The following AGTPBP1 variants were observed in gnomAD, a reference collection of about 807,000 sequenced individuals.
The protein encoded by AGTPBP1 is cytosolic carboxypeptidase 1.
In AGTPBP1, 70 loss-of-function variants were observed where a neutral mutation model predicts 143.9. The observed-to-expected ratio is 0.49, with a 90% confidence interval of 0.40 to 0.59. The LOEUF is 0.59. AGTPBP1 is among the 20% of genes least tolerant of loss of function. AGTPBP1 has a pLI of 0.00. For missense variants in AGTPBP1, 1,229 were observed against 1,464.5 expected (o/e 0.84, Z 2.62); for synonymous variants, 463 against 500.2 (o/e 0.93, Z 0.99).
intron 4 of AGTPBP1, among the ~76,000 whole-genome samples, chr9:85,678,654 T>C (rs933988250): frequency 1.3e-5 from 2 of 152,212 alleles, no homozygotes; most frequent in Admixed American, 6.5e-5. Context: ...TCCTCATCTT[T>C]CTACCAAATA....
chr9:85,667,285 G>C (rs76191133), intron 8 of AGTPBP1, among the ~76,000 whole-genome samples: 8,313 of 152,072 alleles, frequency 0.055, 364 homozygotes, highest in African/African-American at 0.12. Flanking sequence ...AGTAAGCTCA[G>C]AAAATATTTT....
At chr9:85,804,977 GC>G in the AGTPBP1 span, among the ~76,000 whole-genome samples, 72 of 152,312 alleles carry the variant, frequency 4.7e-4, no homozygotes, top group African/African-American at 1.7e-3. Context: ...AGGTGATCCT[GC>G]CTTGCTGCGG....
At chr9:85,663,124 C>T (rs571007127) in intron 8 of AGTPBP1, among the ~76,000 whole-genome samples, 2 of 152,188 alleles carry the variant, frequency 1.3e-5, no homozygotes, top group East Asian at 1.9e-4. Context: ...CAGACCAAGT[C>T]GGTTAGAGCT....
In AGTPBP1 at chr9:85,575,470, TA is replaced by T. The variant is rs1452976828; in HGVS notation, c.3347del (p.Leu1116TyrfsTer22). On this transcript the variant is annotated frameshift_variant, in exon 25 of 26. Coordinates refer to ENST00000357081, the MANE Select transcript of AGTPBP1 (RefSeq NM_001330701.2). LOFTEE classifies it high-confidence loss of function. ...CGCDQGKYKG[L>X]QIGTRELEEM... ...CTTCCAGTTCTCGGGTACCAATCTG[TA>T]AACCCTTGAAATAAACAAATATTAT... The T allele has an allele frequency of 6.2e-7, 1 of 1,601,486 alleles. No homozygotes were observed. Among genetic ancestry groups the T allele is most frequent in the Non-Finnish European group, 8.5e-7 (1 of 1,176,726 alleles).
the AGTPBP1 span, among the ~76,000 whole-genome samples, chr9:85,796,730 T>G: frequency 1.3e-5 from 2 of 152,200 alleles, no homozygotes; most frequent in Non-Finnish European, 2.9e-5. Flanking sequence ...CATGCCTGTA[T>G]TAGAACATCT....
At chr9:85,771,652 CTTTT>C in the AGTPBP1 span, among the ~76,000 whole-genome samples, 1 of 136,158 alleles carries the variant, frequency 7.3e-6, no homozygotes. Context: ...ACATAGATAA[CTTTT>C]TTTTTTTTTT....
At chr9:85,630,391 C>CTGATTTATTTATTTAT (rs1554710020) in intron 14 of AGTPBP1, among the ~76,000 whole-genome samples, 1 of 151,374 alleles carries the variant, frequency 6.6e-6, no homozygotes, top group African/African-American at 2.4e-5. Flanking sequence ...TACTTACTTA[C>CTGATTTATTTATTTAT]TTATTTATTT....
chr9:85,737,019 T>C (rs1267588228), intron 1 of AGTPBP1, among the ~76,000 whole-genome samples: 1 of 152,208 alleles, frequency 6.6e-6, no homozygotes, highest in Admixed American at 6.5e-5. Context: ...GGCAGGAGAA[T>C]GGCGTTAAGC....
At chr9:85,752,128 T>G in the AGTPBP1 span, among the ~76,000 whole-genome samples, 87 of 151,986 alleles carry the variant, frequency 5.7e-4, no homozygotes, top group African/African-American at 2.0e-3. Context: ...TACCAGCTAC[T>G]CAGGAGGCTG....
At chr9:85,648,248 T>C (rs540365554) in intron 11 of AGTPBP1, among the ~76,000 whole-genome samples, 1 of 152,354 alleles carries the variant, frequency 6.6e-6, no homozygotes, top group East Asian at 1.9e-4. Flanking sequence ...GCAGAGTATG[T>C]GTTACACAAA....
intron 1 of AGTPBP1, among the ~76,000 whole-genome samples, chr9:85,716,365 A>G (rs1245859784): frequency 6.6e-6 from 1 of 152,162 alleles, no homozygotes; most frequent in East Asian, 1.9e-4. Context: ...TTCTAACTAC[A>G]GTCTCTTCCT....
At chr9:85,608,703 C>T (rs1358534170) in intron 17 of AGTPBP1, among the ~76,000 whole-genome samples, 1 of 151,652 alleles carries the variant, frequency 6.6e-6, no homozygotes, top group Non-Finnish European at 1.5e-5. Context: ...TTCTCAATAG[C>T]ACAATACATT....
chr9:85,800,871 T>C, the AGTPBP1 span, among the ~76,000 whole-genome samples: 3 of 151,580 alleles, frequency 2.0e-5, no homozygotes, highest in Non-Finnish European at 2.9e-5. Flanking sequence ...AATAACCTCA[T>C]AATTCTACCC....
the AGTPBP1 span, among the ~76,000 whole-genome samples, chr9:85,753,966 G>A: frequency 3.3e-5 from 5 of 152,146 alleles, no homozygotes; most frequent in Admixed American, 6.5e-5. Context: ...ATTGTGTGAT[G>A]CTAAGATTTG....
chr9:85,591,690 C>G (rs11141027), intron 19 of AGTPBP1, among the ~76,000 whole-genome samples: 53,204 of 151,938 alleles, frequency 0.35, 10,283 homozygotes, highest in Middle Eastern at 0.44. Context: ...TCTTAAAGTA[C>G]AGTAAGCCTC....
At chr9:85,778,527 T>C in the AGTPBP1 span, among the ~76,000 whole-genome samples, 1 of 152,208 alleles carries the variant, frequency 6.6e-6, no homozygotes, top group African/African-American at 2.4e-5. Context: ...CACAGCAGCC[T>C]GGACCTATTG....
chr9:85,611,721 C>A (rs1830328038), intron 17 of AGTPBP1, among the ~76,000 whole-genome samples: 1 of 152,094 alleles, frequency 6.6e-6, no homozygotes. Flanking sequence ...CACTATGTCA[C>A]CCAGGCTGGA....
chr9:85,702,740 A>G (rs1453425297), intron 2 of AGTPBP1, among the ~76,000 whole-genome samples: 4 of 151,928 alleles, frequency 2.6e-5, no homozygotes, highest in Non-Finnish European at 5.9e-5. Flanking sequence ...ATAAGCTCCT[A>G]TAAAAAGATG....
chr9:85,693,631 G>C (rs12342004), intron 2 of AGTPBP1, among the ~76,000 whole-genome samples: 56 of 152,080 alleles, frequency 3.7e-4, no homozygotes, highest in African/African-American at 1.3e-3. Flanking sequence ...ATACGGTACT[G>C]ATCTAGGTGT....
Sources: gnomAD v4.1 joint callset for allele counts (sites outside exome capture counted in the v4.1 genomes callset) on GRCh38, gnomAD v4.1.1 for gene constraint, MANE v1.5 for transcripts, NCBI Gene and HGNC (gene_info 2026-07-23, HGNC 2026-07-21) for gene names.